PLCB4: variants seen among roughly 807,000 people sequenced by gnomAD.
The protein encoded by PLCB4 is 1-phosphatidylinositol 4,5-bisphosphate phosphodiesterase beta-4.
A neutral mutation model predicts 178.8 loss-of-function variants in PLCB4; 77 were observed. The ratio of observed to expected loss-of-function variants is 0.43; its 90% CI spans 0.36 to 0.52. The LOEUF (loss-of-function observed/expected upper bound fraction) is 0.52. PLCB4 is among the 20% of genes least tolerant of loss of function. The pLI, the probability that PLCB4 is intolerant of heterozygous loss-of-function variation, is 0.00. For missense variants in PLCB4, 1,024 were observed against 1,453.4 expected, an observed-to-expected ratio of 0.70 and a Z score of 4.80; for synonymous variants, 496 against 490.8, an observed-to-expected ratio of 1.01 and a Z score of -0.14.
At chr20:9,084,576 A>C (rs1417958481) in intron 1 of PLCB4, among the ~76,000 whole-genome samples, 3 of 152,098 alleles carry the variant, frequency 2.0e-5, no homozygotes, top group Non-Finnish European at 4.4e-5. Context: ...GTTTTGCTTA[A>C]TTTGGTGCCT....
chr20:9,420,207 G>T (rs1293818756), intron 26 of PLCB4, among the ~76,000 whole-genome samples: 1 of 152,302 alleles, frequency 6.6e-6, no homozygotes, highest in African/African-American at 2.4e-5. Flanking sequence ...TGAAAAAAGG[G>T]CAGGGAGGAA....
rs182912744 is a variant in PLCB4, at chr20:9,327,259, C to T, written c.85-9867C>T. Reference sequence around the variant, plus strand: ...TTCGAGTTCAGCCTGGACAACATAGCGAAACTCTGTCTCTACAAAAAAAAA... The same window carrying T: ...TTCGAGTTCAGCCTGGACAACATAGTGAAACTCTGTCTCTACAAAAAAAAA... On this transcript the variant is annotated intron_variant, in intron 4 of 39. Transcript: ENST00000378473. Among the ~76,000 whole-genome samples, 295 of 149,896 alleles carry T rather than the reference C, an allele frequency of 2.0e-3. 1 individual carries two copies. The highest frequency in any genetic ancestry group is 6.8e-3 in the African/African-American group (273 of 40,196).
intron 2 of PLCB4, among the ~76,000 whole-genome samples, chr20:9,192,528 C>CT (rs57026127): frequency 0.015 from 2,061 of 135,194 alleles, 39 homozygotes; most frequent in African/African-American, 0.044. Flanking sequence ...ATTTTTTTTT[C>CT]TTTTTTTTTT....
intron 7 of PLCB4, among the ~76,000 whole-genome samples, chr20:9,345,973 T>C (rs964861426): frequency 2.0e-5 from 3 of 151,362 alleles, no homozygotes; most frequent in Non-Finnish European, 2.9e-5. Context: ...AAAAAAAAAA[T>C]TGATTCTCTA....
intron 2 of PLCB4, among the ~76,000 whole-genome samples, chr20:9,204,197 A>G (rs970607393): frequency 2.6e-5 from 4 of 152,162 alleles, no homozygotes; most frequent in African/African-American, 9.6e-5. Context: ...CGTTGAGCCC[A>G]GTTTACATAG....
chr20:9,393,677 A>T lies in PLCB4; in HGVS notation c.1413A>T (p.Lys471Asn), dbSNP rs759625352. 1 of 1,582,972 alleles carries T rather than the reference A, an allele frequency of 6.3e-7. No homozygotes were observed. The highest frequency in any genetic ancestry group is 1.1e-5 in the South Asian group (1 of 90,426). Residue 471 changes from lysine (K) to asparagine (N), a missense_variant and splice_region_variant, in exon 18 of 40, where the codon AAA becomes AAT. By Grantham distance (94) the Lys-to-Asn change is moderately conservative (BLOSUM62 0). Around this residue, in one of 7 missense-constraint regions of PLCB4, gnomAD observed 263 missense variants for 417.4 expected, o/e 0.63. Coordinates refer to ENST00000378473, the MANE Select transcript of PLCB4 (RefSeq NM_001377142.1). The stretch of plus-strand genomic sequence containing the variant: ...AGCGGCTGAAACCTGAAGTTGAAAA[A>T]AGTAAGTGAAACACACACATTTATA... ...KNKRLKPEVEKKQLEALRSMM... is the reference protein window; with the variant it reads ...KNKRLKPEVENKQLEALRSMM...
At chr20:9,173,539 C>A (rs1327116032) in intron 2 of PLCB4, among the ~76,000 whole-genome samples, 1 of 152,128 alleles carries the variant, frequency 6.6e-6, no homozygotes, top group Non-Finnish European at 1.5e-5. Flanking sequence ...GTCAAATAGG[C>A]CTGCAGGACC....
chr20:9,071,144 T>C (rs2089552619), intron 1 of PLCB4, among the ~76,000 whole-genome samples: 1 of 152,190 alleles, frequency 6.6e-6, no homozygotes, highest in Non-Finnish European at 1.5e-5. Flanking sequence ...TGTTACAGGT[T>C]ACCAAAAACC....
chr20:9,294,571 C>T (rs1031166716), intron 3 of PLCB4, among the ~76,000 whole-genome samples: 8 of 152,120 alleles, frequency 5.3e-5, no homozygotes, highest in African/African-American at 9.7e-5. Context: ...GCTTTAGTTC[C>T]GAATACCTAG....
intron 2 of PLCB4, among the ~76,000 whole-genome samples, chr20:9,121,055 G>A (rs576681466): frequency 1.3e-5 from 2 of 152,188 alleles, no homozygotes; most frequent in South Asian, 4.2e-4. Context: ...CCATCTCCTG[G>A]CTCTTTAGAT....
chr20:9,390,147 C>T (rs1022622695), intron 16 of PLCB4, among the ~76,000 whole-genome samples, 189 bp downstream of exon 16: 2 of 152,128 alleles, frequency 1.3e-5, no homozygotes, highest in Non-Finnish European at 2.9e-5. Flanking sequence ...GAAAAAACGA[C>T]AAAAAACCAC....
intron 2 of PLCB4, among the ~76,000 whole-genome samples, chr20:9,203,040 TAAAA>T (rs58109957): frequency 9.0e-6 from 1 of 111,514 alleles, no homozygotes; most frequent in African/African-American, 3.6e-5. Context: ...TTGTCTTTGG[TAAAA>T]AAAAAAAAAA....
intron 36 of PLCB4, among the ~76,000 whole-genome samples, chr20:9,472,087 AAAT>A (rs2044229128): frequency 6.6e-6 from 1 of 152,256 alleles, no homozygotes; most frequent in Middle Eastern, 3.2e-3. Flanking sequence ...CAGCAAATGA[AAAT>A]AATGAAGTGG....
At chr20:9,275,112 A>T (rs549939308) in intron 3 of PLCB4, among the ~76,000 whole-genome samples, 1 of 152,088 alleles carries the variant, frequency 6.6e-6, no homozygotes, top group Non-Finnish European at 1.5e-5. Flanking sequence ...TGATAAAAAC[A>T]TACCCGAGTC....
intron 3 of PLCB4, among the ~76,000 whole-genome samples, chr20:9,275,922 G>A (rs994297827): frequency 6.6e-6 from 1 of 152,040 alleles, no homozygotes; most frequent in Non-Finnish European, 1.5e-5. Context: ...AGGAAAGGTT[G>A]GAGGTGAATT....
chr20:9,349,395 A>G (rs765295551), intron 7 of PLCB4, among the ~76,000 whole-genome samples: 7 of 152,146 alleles, frequency 4.6e-5, no homozygotes, highest in Non-Finnish European at 8.8e-5. Context: ...TGTTTAATAT[A>G]CTGCATTTTA....
At chr20:9,170,801 C>T (rs1274533927) in intron 2 of PLCB4, among the ~76,000 whole-genome samples, 5 of 152,162 alleles carry the variant, frequency 3.3e-5, no homozygotes, top group African/African-American at 7.2e-5. Context: ...CTCAGCTATC[C>T]AGAAAGCTAA....
chr20:9,328,951 A>T (rs2031181970), intron 4 of PLCB4, among the ~76,000 whole-genome samples: 1 of 152,190 alleles, frequency 6.6e-6, no homozygotes, highest in African/African-American at 2.4e-5. Flanking sequence ...AAATGAACTT[A>T]AGGAGGGGGT....
intron 4 of PLCB4, among the ~76,000 whole-genome samples, chr20:9,336,031 C>CTA (rs2032411136): frequency 5.3e-5 from 8 of 152,278 alleles, no homozygotes; most frequent in Admixed American, 3.9e-4. Flanking sequence ...ACAGGTGAAA[C>CTA]TAAGAGTCTG....
Sources: allele counts gnomAD v4.1 joint callset (sites outside exome capture counted in the v4.1 genomes callset), GRCh38; gene constraint gnomAD v4.1.1; regional missense constraint gnomAD v4.1.1; transcripts MANE v1.5; gene names NCBI Gene and HGNC (gene_info 2026-07-23, HGNC 2026-07-21).